PTPN2: variants seen among roughly 807,000 people sequenced by gnomAD.
PTPN2 encodes the protein protein tyrosine phosphatase non-receptor type 2.
In PTPN2, 19 loss-of-function variants were observed where a neutral mutation model predicts 57.3. That is an observed-to-expected ratio of 0.33 (90% CI 0.23 to 0.49). The LOEUF is 0.49. PTPN2 is among the 20% of genes least tolerant of loss of function. The pLI, the probability that PTPN2 is intolerant of heterozygous loss-of-function variation, is 0.99. For synonymous variants in PTPN2, 153 were observed against 164.9 expected, an observed-to-expected ratio of 0.93 and a Z score of 0.55; for missense variants, 358 against 501.1, an observed-to-expected ratio of 0.71 and a Z score of 2.73.
intron 1 of PTPN2, among the ~76,000 whole-genome samples, chr18:12,865,685 G>C (rs141077031): frequency 9.1e-4 from 139 of 152,072 alleles, no homozygotes; most frequent in Middle Eastern, 3.4e-3. Flanking sequence ...GAGTGAGCTG[G>C]GCGTCATGGC....
intron 1 of PTPN2, among the ~76,000 whole-genome samples, chr18:12,865,270 TTA>T (rs2043952053): frequency 6.6e-6 from 1 of 151,696 alleles, no homozygotes. Context: ...CCCATCTCTA[TTA>T]AAAAATTTTA....
intron 2 of PTPN2, among the ~76,000 whole-genome samples, chr18:12,841,512 C>T (rs746461741): frequency 4.6e-5 from 7 of 152,208 alleles, no homozygotes; most frequent in Non-Finnish European, 7.3e-5. Context: ...CAAGTAGTGG[C>T]GGTGGGAATG....
Position 12,825,684 on chromosome 18 carries a change from G to A in PTPN2, c.495+126C>T, listed in dbSNP as rs2042425742. 7 of 818,672 alleles carry A rather than the reference G, an allele frequency of 8.6e-6. No individual in the cohort carries two copies. In the Admixed American group the frequency reaches 1.6e-4, roughly 18 times the overall value. The allele number at this position is 818,672 out of a possible 1,614,324, so 50.7% of individuals were successfully genotyped here. A position where few individuals can be genotyped will look rare whatever the true frequency, so the allele number is the denominator to read the frequency against. On this transcript the variant is annotated intron_variant, in intron 5 of 8. Transcript: ENST00000309660. Reference sequence around the variant, plus strand: ...GCAGACACACAATCTAAAAACACGTGATTATGGCTAGATACTATAGGAATT... The same window carrying A: ...GCAGACACACAATCTAAAAACACGTAATTATGGCTAGATACTATAGGAATT...
chr18:12,790,461 T>C (rs979320413), downstream of PTPN2, among the ~76,000 whole-genome samples: 18 of 152,210 alleles, frequency 1.2e-4, no homozygotes, highest in Non-Finnish European at 2.4e-4. Flanking sequence ...CTTTGATAAT[T>C]ATCTACTTCT....
chr18:12,873,434 C>T (rs1044006179), intron 1 of PTPN2, among the ~76,000 whole-genome samples: 9 of 152,190 alleles, frequency 5.9e-5, no homozygotes, highest in African/African-American at 1.2e-4. Context: ...AGTGCAGGTG[C>T]GCGCCGCCAT....
intron 2 of PTPN2, among the ~76,000 whole-genome samples, chr18:12,843,279 T>C (rs1269569115): frequency 6.6e-6 from 1 of 152,192 alleles, no homozygotes; most frequent in African/African-American, 2.4e-5. Flanking sequence ...GTGGCTCGAA[T>C]GGACCAGTCC....
At chr18:12,879,807 T>C (rs549504270) in intron 1 of PTPN2, among the ~76,000 whole-genome samples, 1 of 152,376 alleles carries the variant, frequency 6.6e-6, no homozygotes, top group South Asian at 2.1e-4. Context: ...ACTCAGTTTT[T>C]GCTCAAGAGC....
intron 1 of PTPN2, chr18:12,868,880 T>G (rs1276664129): frequency 6.6e-6 from 1 of 151,656 alleles, no homozygotes; most frequent in African/African-American, 2.4e-5. Context: ...CTGGGTGCGG[T>G]GGCTCACGCC....
chr18:12,803,175 ACT>A (rs992559429), intron 7 of PTPN2, among the ~76,000 whole-genome samples: 1 of 152,194 alleles, frequency 6.6e-6, no homozygotes, highest in Non-Finnish European at 1.5e-5. Context: ...AGCTTAAAAC[ACT>A]CTAAGATGTT....
At chr18:12,809,799 C>A (rs980746315) in intron 7 of PTPN2, among the ~76,000 whole-genome samples, 1 of 152,222 alleles carries the variant, frequency 6.6e-6, no homozygotes, top group African/African-American at 2.4e-5. Flanking sequence ...GTATTCAGAT[C>A]TTTAAAAAAT....
chr18:12,791,175 T>C (rs753891504), downstream of PTPN2, among the ~76,000 whole-genome samples: 9 of 152,152 alleles, frequency 5.9e-5, no homozygotes, highest in East Asian at 1.9e-4. Flanking sequence ...TTGGTTAATA[T>C]TGGAAAGGAA....
intron 2 of PTPN2, among the ~76,000 whole-genome samples, chr18:12,856,147 C>T (rs2043581878): frequency 6.6e-6 from 1 of 152,166 alleles, no homozygotes; most frequent in Non-Finnish European, 1.5e-5. Flanking sequence ...TTCCCAGAGA[C>T]ATGAAGTCAC....
At chr18:12,869,911 G>T (rs1333142390) in intron 1 of PTPN2, among the ~76,000 whole-genome samples, 1 of 152,154 alleles carries the variant, frequency 6.6e-6, no homozygotes, top group South Asian at 2.1e-4. Flanking sequence ...AGTGAAGTAT[G>T]AAGAATCTTG....
chr18:12,838,434 G>C (rs1057130460), intron 2 of PTPN2, among the ~76,000 whole-genome samples: 3 of 152,186 alleles, frequency 2.0e-5, no homozygotes, highest in Non-Finnish European at 4.4e-5. Flanking sequence ...CTCACCCTCA[G>C]GACTCTGAAC....
At chr18:12,842,803 G>T (rs961849600) in intron 2 of PTPN2, among the ~76,000 whole-genome samples, 5 of 152,160 alleles carry the variant, frequency 3.3e-5, no homozygotes, top group African/African-American at 1.2e-4. Context: ...CTAGTAGAGT[G>T]TCATAACAAT....
At chr18:12,815,063 G>A (rs1296738151) in intron 6 of PTPN2, among the ~76,000 whole-genome samples, 4 of 150,274 alleles carry the variant, frequency 2.7e-5, no homozygotes, top group African/African-American at 9.8e-5. Context: ...CAGCCTGGGC[G>A]ACAGAGCGAG....
At chr18:12,863,056 T>C (rs1194169597) in intron 1 of PTPN2, 3 of 152,162 alleles carry the variant, frequency 2.0e-5, no homozygotes, top group Admixed American at 1.3e-4. Flanking sequence ...TCTGTCTAAA[T>C]GGCATTAGGA....
At chr18:12,844,416 C>A (rs1237540604) in intron 2 of PTPN2, among the ~76,000 whole-genome samples, 1 of 152,174 alleles carries the variant, frequency 6.6e-6, no homozygotes, top group Non-Finnish European at 1.5e-5. Context: ...TATATGAGAT[C>A]CAGCTTCTCT....
intron 2 of PTPN2, among the ~76,000 whole-genome samples, chr18:12,857,253 T>C (rs1363838667): frequency 1.3e-5 from 2 of 152,090 alleles, no homozygotes; most frequent in South Asian, 2.1e-4. Context: ...GACCCTGTGA[T>C]GGGAATGCTC....
Sources: allele counts gnomAD v4.1 joint callset (sites outside exome capture counted in the v4.1 genomes callset), GRCh38; gene constraint gnomAD v4.1.1; transcripts MANE v1.5; gene names NCBI Gene and HGNC (gene_info 2026-07-23, HGNC 2026-07-21).